The following GTF2F2 variants were observed in gnomAD, a reference collection of about 807,000 sequenced individuals.
GTF2F2 encodes general transcription factor IIF subunit 2.
Under a neutral mutation model 42.2 loss-of-function variants are expected in GTF2F2, and 23 were observed. The ratio of observed to expected loss-of-function variants is 0.55; its 90% confidence interval spans 0.39 to 0.77. The LOEUF is 0.77. GTF2F2 is among the 30% of genes least tolerant of loss of function. The probability of loss-of-function intolerance (pLI) is 0.00; values close to 1 mark genes in which losing one functional copy is unlikely to be tolerated. For missense variants in GTF2F2, 261 were observed against 287.2 expected, an observed-to-expected ratio of 0.91 and a Z score of 0.66; for synonymous variants, 105 against 100.8, an observed-to-expected ratio of 1.04 and a Z score of -0.25.
chr13:45,247,904 G>A (rs1023184194), intron 5 of GTF2F2, among the ~76,000 whole-genome samples: 1 of 152,038 alleles, frequency 6.6e-6, no homozygotes, highest in Non-Finnish European at 1.5e-5. Flanking sequence ...GAGTGCAGTG[G>A]AGACATCTCA....
At chr13:45,211,578 A>G (rs969985664) in intron 5 of GTF2F2, among the ~76,000 whole-genome samples, 3 of 139,718 alleles carry the variant, frequency 2.1e-5, no homozygotes, top group East Asian at 4.0e-4. Flanking sequence ...CAAGCTCAAA[A>G]AAAAAAAATT....
At chr13:45,276,999 G>A (rs908014370) in intron 7 of GTF2F2, among the ~76,000 whole-genome samples, 1 of 152,166 alleles carries the variant, frequency 6.6e-6, no homozygotes, top group African/African-American at 2.4e-5. Context: ...TCACCCATCT[G>A]TGTGCTGCTT....
chr13:45,121,851 GGA>G (rs1868651004), intron 1 of GTF2F2, among the ~76,000 whole-genome samples: 2 of 152,140 alleles, frequency 1.3e-5, no homozygotes, highest in African/African-American at 4.8e-5. Context: ...TTAAAAGGAT[GGA>G]TTAAATAGGC....
intron 4 of GTF2F2, among the ~76,000 whole-genome samples, chr13:45,157,041 G>A (rs527938082): frequency 6.6e-6 from 1 of 152,306 alleles, no homozygotes; most frequent in South Asian, 2.1e-4. Context: ...AATAAAGTGG[G>A]AAGTAGGCTC....
intron 2 of GTF2F2, among the ~76,000 whole-genome samples, chr13:45,143,878 A>T (rs1870054881): frequency 6.6e-6 from 1 of 152,226 alleles, no homozygotes; most frequent in African/African-American, 2.4e-5. Context: ...CAAGCAATTT[A>T]TATGATATTT....
intron 2 of GTF2F2, among the ~76,000 whole-genome samples, chr13:45,140,781 G>A (rs1869891640): frequency 6.6e-6 from 1 of 152,092 alleles, no homozygotes; most frequent in African/African-American, 2.4e-5. Context: ...ACTGAAATGG[G>A]AGCCACAACC....
chr13:45,172,708 A>AT (rs962767414), intron 4 of GTF2F2, among the ~76,000 whole-genome samples: 1 of 152,078 alleles, frequency 6.6e-6, no homozygotes, highest in African/African-American at 2.4e-5. Context: ...TGAAAAGGCT[A>AT]TTTTTTCCCC....
At chr13:45,228,576 G>A (rs997674259) in intron 5 of GTF2F2, among the ~76,000 whole-genome samples, 48 of 149,740 alleles carry the variant, frequency 3.2e-4, no homozygotes, top group Non-Finnish European at 3.3e-4. Flanking sequence ...AATGGGCACT[G>A]AGCAGCTTCT....
chr13:45,182,336 A>G (rs1872205479), intron 4 of GTF2F2, among the ~76,000 whole-genome samples: 1 of 152,026 alleles, frequency 6.6e-6, no homozygotes, highest in African/African-American at 2.4e-5. Flanking sequence ...ACCTCAGGTG[A>G]TCCACCTGCC....
chr13:45,136,610 G>T (rs185135542), intron 1 of GTF2F2, 123 bp from the exon 2 acceptor site: 3 of 604,732 alleles, frequency 5.0e-6, no homozygotes. Flanking sequence ...AAAACATACA[G>T]TAGTAACTTG....
chr13:45,171,779 G>A (rs1343480489), intron 4 of GTF2F2, among the ~76,000 whole-genome samples: 2 of 151,626 alleles, frequency 1.3e-5, no homozygotes, highest in Non-Finnish European at 2.9e-5. Context: ...AACCTCCCAC[G>A]CCATAGTCTA....
chr13:45,236,633 A>G (rs1875004953), intron 5 of GTF2F2, among the ~76,000 whole-genome samples: 1 of 152,166 alleles, frequency 6.6e-6, no homozygotes, highest in Admixed American at 6.5e-5. Flanking sequence ...GTTCCCTAAA[A>G]GCATTAGCCT....
At chr13:45,234,350 C>T (rs1262159300) in intron 5 of GTF2F2, among the ~76,000 whole-genome samples, 1 of 151,916 alleles carries the variant, frequency 6.6e-6, no homozygotes, top group Non-Finnish European at 1.5e-5. Context: ...TAGCAGTGCA[C>T]ATAAAATAAT....
intron 7 of GTF2F2, among the ~76,000 whole-genome samples, chr13:45,277,592 G>A (rs973682358): frequency 1.7e-4 from 26 of 152,156 alleles, no homozygotes; most frequent in Admixed American, 1.6e-3. Context: ...ACTATATCAC[G>A]TTTGATCACA....
At position 45,193,896 on chromosome 13, in the gene GTF2F2, C is replaced by G. The variant is rs1566130326; in HGVS notation, c.305-13528C>G. On this transcript the variant is annotated intron_variant, in intron 4 of 7. Transcript: ENST00000340473. ...TTAAAGCCATCATGATAGCCTCAAACTTAAGAGTTTCCAAGGTACAGACAA... is the reference window on the plus strand; with the variant it reads ...TTAAAGCCATCATGATAGCCTCAAAGTTAAGAGTTTCCAAGGTACAGACAA... The G allele has an allele frequency of 1.2e-6, 2 of 1,614,136 alleles. No individual in the cohort carries two copies. Among genetic ancestry groups the G allele is most frequent in the Non-Finnish European group, 1.7e-6 (2 of 1,179,994 alleles).
chr13:45,229,504 T>C (rs1282647763), intron 5 of GTF2F2, among the ~76,000 whole-genome samples: 1 of 152,086 alleles, frequency 6.6e-6, no homozygotes, highest in Non-Finnish European at 1.5e-5. Context: ...GTGATATTGG[T>C]TTGAAATTAG....
At chr13:45,123,962 G>A in intron 1 of GTF2F2, 1 of 712,250 alleles carries the variant, frequency 1.4e-6, no homozygotes, top group Non-Finnish European at 2.4e-6. Context: ...CAGCATTGAG[G>A]GTCTCTCTCT....
chr13:45,174,372 C>T (rs996672432), intron 4 of GTF2F2, among the ~76,000 whole-genome samples: 4 of 152,082 alleles, frequency 2.6e-5, no homozygotes, highest in Admixed American at 6.5e-5. Flanking sequence ...GATGTATTAA[C>T]ATGAAACAGC....
At chr13:45,244,418 TAGTA>T (rs1175836339) in intron 5 of GTF2F2, among the ~76,000 whole-genome samples, 1 of 152,174 alleles carries the variant, frequency 6.6e-6, no homozygotes, top group Non-Finnish European at 1.5e-5. Flanking sequence ...TTCCAGCACA[TAGTA>T]AGTGTTCTTT....
Sources: gnomAD v4.1 joint callset for allele counts (sites outside exome capture counted in the v4.1 genomes callset) on GRCh38, gnomAD v4.1.1 for gene constraint, MANE v1.5 for transcripts, NCBI Gene and HGNC (gene_info 2026-07-23, HGNC 2026-07-21) for gene names.